STX3: variants seen among roughly 807,000 people sequenced by gnomAD.
The protein encoded by STX3 is syntaxin-3.
Under a neutral mutation model 40.2 loss-of-function variants are expected in STX3, and 19 were observed. The ratio of observed to expected loss-of-function variants is 0.47; its 90% CI spans 0.33 to 0.69. The LOEUF is 0.69. Ranked by LOEUF, STX3 falls within the 30% of genes least tolerant of loss-of-function variation. The probability of loss-of-function intolerance (pLI) is 0.02; values close to 1 mark genes in which losing one functional copy is unlikely to be tolerated. For missense variants in STX3, 364 were observed against 366.7 expected, an observed-to-expected ratio of 0.99 and a Z score of 0.06; for synonymous variants, 122 against 132.2, an observed-to-expected ratio of 0.92 and a Z score of 0.53.
chr11:59,797,238 G>T (rs1565192362), intron 9 of STX3, 45 bp from the exon 10 acceptor site: 5 of 1,516,040 alleles, frequency 3.3e-6, no homozygotes, highest in Admixed American at 3.4e-5. Context: ...TATTTTTTTG[G>T]TTGTTTGTAA....
chr11:59,797,024 T>A (rs1019717280), intron 9 of STX3, among the ~76,000 whole-genome samples: 14 of 151,976 alleles, frequency 9.2e-5, no homozygotes, highest in Admixed American at 3.3e-4. Flanking sequence ...GGCAGGAGGA[T>A]CACTTGAGCC....
chr11:59,793,197 G>A (rs748491085), intron 7 of STX3, 25 bp downstream of exon 7: 7 of 1,612,078 alleles, frequency 4.3e-6, no homozygotes, highest in Non-Finnish European at 5.9e-6. Flanking sequence ...TGCTCGGATA[G>A]CACATCCCTC....
At position 59,804,672 on chromosome 11, in the gene STX3, TGGA is replaced by T. The variant is rs1006680453; in HGVS notation, c.*3850_*3852del. 2.6e-5 allele frequency: 4 copies of T among 152,192 alleles called. No homozygotes were observed. Among genetic ancestry groups the T allele is most frequent in the African/African-American group, 9.7e-5 (4 of 41,436 alleles). The allele number at this position is 152,192 out of a possible 1,614,324, so 9.4% of individuals were successfully genotyped here. ...GTTCTAGCAACAGCCTCTTAATCTGTGGAGAAGATGGCTGGCTCCAGGACTGTG... is the reference window on the plus strand; with the variant it reads ...GTTCTAGCAACAGCCTCTTAATCTGTGAAGATGGCTGGCTCCAGGACTGTG... On this transcript the variant is annotated 3_prime_UTR_variant, in exon 11 of 11. Coordinates refer to ENST00000337979, the MANE Select transcript of STX3 (RefSeq NM_004177.5).
At chr11:59,773,407 T>TG in intron 2 of STX3, 113 bp downstream of exon 2, 1 of 1,002,710 alleles carries the variant, frequency 1.0e-6, no homozygotes, top group Non-Finnish European at 1.5e-6. Context: ...CACAGTTTTT[T>TG]GCTAGGGTGG....
chr11:59,758,093 G>A (rs1384873724), intron 1 of STX3, among the ~76,000 whole-genome samples: 1 of 152,056 alleles, frequency 6.6e-6, no homozygotes, highest in Non-Finnish European at 1.5e-5. Context: ...ATAACTGGAG[G>A]GCTTTCCGTG....
intron 2 of STX3, among the ~76,000 whole-genome samples, chr11:59,779,632 C>A (rs137921202): frequency 2.0e-4 from 30 of 152,312 alleles, no homozygotes; most frequent in African/African-American, 6.7e-4. Context: ...TACTGAGTAA[C>A]CCACATGCTT....
At chr11:59,771,134 A>G (rs931005272) in intron 1 of STX3, among the ~76,000 whole-genome samples, 8 of 145,408 alleles carry the variant, frequency 5.5e-5, no homozygotes, top group Non-Finnish European at 1.0e-4. Context: ...ACATACAAGT[A>G]TCCACTTCGG....
At chr11:59,797,238 G>A in intron 9 of STX3, 45 bp from the exon 10 acceptor site, 2 of 1,516,064 alleles carry the variant, frequency 1.3e-6, no homozygotes. Flanking sequence ...TATTTTTTTG[G>A]TTGTTTGTAA....
intron 1 of STX3, among the ~76,000 whole-genome samples, chr11:59,758,928 C>T (rs1252964197): frequency 1.3e-5 from 2 of 152,198 alleles, no homozygotes; most frequent in East Asian, 3.9e-4. Flanking sequence ...AGTTCATGGT[C>T]AGGTAGGAAG....
rs534381496 is a variant in STX3, at chr11:59,761,288, C to T, written c.30+5653C>T. Among the ~76,000 whole-genome samples, 6 of 152,322 alleles carry T rather than the reference C, an allele frequency of 3.9e-5. No individual in the cohort carries two copies. The South Asian group carries it at 1.0e-3, about 26-fold the overall frequency. ...TCTCCTGGCAAAATCCTACATATCT[C>T]CAAAGTCTCAGTTCCAGTGTCATCC... is the stretch of plus-strand genomic sequence containing the variant. On this transcript the variant is annotated intron_variant, in intron 1 of 10. Coordinates refer to ENST00000337979, the MANE Select transcript of STX3 (RefSeq NM_004177.5).
chr11:59,793,018 C>T (rs965190852), intron 6 of STX3, 81 bp from the exon 7 acceptor site: 12 of 1,413,586 alleles, frequency 8.5e-6, no homozygotes, highest in Middle Eastern at 4.7e-4. Context: ...AGGGAAGTCA[C>T]GTTCCTAATT....
intron 5 of STX3, 37 bp from the exon 6 acceptor site, chr11:59,792,070 C>T (rs1421630407): frequency 1.2e-5 from 18 of 1,537,470 alleles, no homozygotes; most frequent in Non-Finnish European, 1.6e-5. Flanking sequence ...AGTTACAGAA[C>T]CACTGGGGCC....
intron 10 of STX3, chr11:59,799,727 A>G: frequency 1.0e-6 from 1 of 985,424 alleles, no homozygotes; most frequent in Non-Finnish European, 1.2e-6. Context: ...TCTAAAAGTC[A>G]GCTTATTACA....
chr11:59,755,461 G>GGCCGCCGCCC lies in STX3; in HGVS notation c.-135_-126dup. 1.0e-6 allele frequency: 1 copy of GGCCGCCGCCC among 999,308 alleles called. No individual in the cohort carries two copies. The highest frequency in any genetic ancestry group is 1.3e-6 in the Non-Finnish European group (1 of 742,374). 61.9% of individuals were successfully genotyped at this position (999,308 alleles called of 1,614,324 possible). On this transcript the variant is annotated 5_prime_UTR_variant, in exon 1 of 11. Coordinates refer to ENST00000337979, the MANE Select transcript of STX3 (RefSeq NM_004177.5). ...GCCTCGGACGCTCCTCCTAGCTAGC[G>GGCCGCCGCCC]GCCGCCGCCCGCCGCCGCCTGCGCC...
rs1402230322 is a variant in STX3 at position 59,756,742 on chromosome 11, G to A, written c.30+1107G>A. On this transcript the variant is annotated intron_variant, in intron 1 of 10. Transcript: ENST00000337979. ...CCCTTAAAATCCCAGCCTAAGTTTT[G>A]TCATTTGTAAAATGGGTAGTTGTAA... Among the ~76,000 whole-genome samples the A allele has an allele frequency of 2.6e-5, 4 of 152,230 alleles. No individual in the cohort carries two copies. In the East Asian group the frequency reaches 5.8e-4, roughly 22 times the overall value.
intron 4 of STX3, 100 bp from the exon 5 acceptor site, chr11:59,790,419 G>C (rs1258699265): frequency 2.2e-6 from 2 of 909,852 alleles, no homozygotes; most frequent in African/African-American, 3.3e-5. Flanking sequence ...TTACATCTCC[G>C]TGGGCTGGAT....
rs534768613 is a variant in STX3, at chr11:59,784,960, C to T, written c.115-2077C>T. Among the ~76,000 whole-genome samples the T allele has an allele frequency of 5.3e-5, 8 of 152,264 alleles. No individual in the cohort carries two copies. In the East Asian group the frequency reaches 7.7e-4, roughly 15 times the overall value. On this transcript the variant is annotated intron_variant, in intron 2 of 10. Transcript: ENST00000337979. ...AACTCTTCAATCTAATGGAAAAAAG[C>T]TTCCCAGTTGGAGTGTGGAGGGCAC... is the stretch of plus-strand genomic sequence containing the variant.
At chr11:59,789,948 C>T (rs1865018302) in intron 4 of STX3, among the ~76,000 whole-genome samples, 1 of 152,170 alleles carries the variant, frequency 6.6e-6, no homozygotes, top group African/African-American at 2.4e-5. Flanking sequence ...TTGCTAGAGC[C>T]TGCATTCTTG....
intron 4 of STX3, 124 bp from the exon 5 acceptor site, chr11:59,790,395 G>A (rs1865054486): frequency 1.4e-6 from 1 of 730,288 alleles, no homozygotes; most frequent in Non-Finnish European, 2.4e-6. Context: ...ACCTTTTGAG[G>A]TGACACCTAC....
Sources: gnomAD v4.1 joint callset for allele counts (sites outside exome capture counted in the v4.1 genomes callset) on GRCh38, gnomAD v4.1.1 for gene constraint, MANE v1.5 for transcripts, NCBI Gene and HGNC (gene_info 2026-07-23, HGNC 2026-07-21) for gene names.